Variants in C5orf63 observed in about 807,000 individuals in gnomAD.
C5orf63 encodes the protein chromosome 5 open reading frame 63.
A neutral mutation model predicts 13.3 loss-of-function variants in C5orf63; 18 were observed. The ratio of observed to expected loss-of-function variants is 1.36; its 90% confidence interval spans 0.94 to 2.01. The LOEUF (loss-of-function observed/expected upper bound fraction) is 2.01, where lower values mean the gene tolerates loss of function less well. Among genes scored for constraint, C5orf63 ranks in the 30% most tolerant of loss-of-function variants. The pLI is 0.00. For synonymous variants in C5orf63, 38 were observed against 44.7 expected, an observed-to-expected ratio of 0.85 and a Z score of 0.60; for missense variants, 118 against 127.7, an observed-to-expected ratio of 0.92 and a Z score of 0.36.
In C5orf63 at chr5:127,054,364, C is replaced by T. The variant is rs141381359; in HGVS notation, c.115-1695G>A. The stretch of plus-strand genomic sequence containing the variant: ...TGCAGTCCCACCAACAGCATAAAAG[C>T]GTTCCTGTTTCTCCACATCCTCTCC... On this transcript the variant is annotated intron_variant, in intron 3 of 4. Coordinates refer to ENST00000296662, the MANE Select transcript of C5orf63 (RefSeq NM_001164478.2). Among the ~76,000 whole-genome samples, 218 of 152,268 alleles carry T rather than the reference C, an allele frequency of 1.4e-3. No homozygotes were observed. The East Asian group carries it at 0.03, about 21-fold the overall frequency.
At chr5:127,060,840 C>G (rs1442350772) in intron 2 of C5orf63, among the ~76,000 whole-genome samples, 4 of 152,180 alleles carry the variant, frequency 2.6e-5, no homozygotes, top group Non-Finnish European at 5.9e-5. Context: ...CACTCCCCAC[C>G]CTCACATCTT....
At chr5:127,063,766 AAAG>A (rs1297953498) in intron 2 of C5orf63, among the ~76,000 whole-genome samples, 1 of 152,194 alleles carries the variant, frequency 6.6e-6, no homozygotes, top group Admixed American at 6.5e-5. Flanking sequence ...TATATTCCCT[AAAG>A]AAGACTCAGG....
downstream of C5orf63, among the ~76,000 whole-genome samples, chr5:127,048,246 GACACACACACACACAC>G (rs71822352): frequency 8.2e-5 from 11 of 134,686 alleles, no homozygotes; most frequent in South Asian, 5.1e-4. Context: ...GGTCCATGAG[GACACACACACACACAC>G]ACACACACAC....
downstream of C5orf63, chr5:127,044,660 T>A (rs1753482217): frequency 6.6e-6 from 1 of 152,030 alleles, no homozygotes; most frequent in Non-Finnish European, 1.5e-5. Flanking sequence ...CTATAATGGG[T>A]TACTATGGTT....
At chr5:127,058,670 A>AGG (rs1245873949) in intron 3 of C5orf63, 1 of 505,966 alleles carries the variant, frequency 2.0e-6, no homozygotes, top group East Asian at 3.2e-5. Flanking sequence ...TGTAGGGGCC[A>AGG]GATGACCATT....
intron 2 of C5orf63, among the ~76,000 whole-genome samples, chr5:127,064,238 T>C (rs1053042771): frequency 6.6e-6 from 1 of 152,164 alleles, no homozygotes; most frequent in African/African-American, 2.4e-5. Flanking sequence ...GATATGTCAA[T>C]TCCAAGGGGC....
chr5:127,066,719 C>T (rs893666327), intron 2 of C5orf63, among the ~76,000 whole-genome samples: 4 of 151,704 alleles, frequency 2.6e-5, no homozygotes, highest in Non-Finnish European at 5.9e-5. Flanking sequence ...GAGTCTCCAT[C>T]GGTTTAAGGA....
At chr5:127,052,071 G>T in intron 4 of C5orf63, 124 bp from the exon 5 acceptor site, 1 of 757,062 alleles carries the variant, frequency 1.3e-6, no homozygotes, top group Non-Finnish European at 1.9e-6. Flanking sequence ...GTTTGTTTTA[G>T]GTCCACAGTG....
intron 2 of C5orf63, 67 bp from the exon 3 acceptor site, chr5:127,059,069 T>A: frequency 1.1e-6 from 1 of 924,902 alleles, no homozygotes; most frequent in Non-Finnish European, 1.7e-6. Context: ...ATATGGACAG[T>A]AATTTCCAAG....
intron 2 of C5orf63, among the ~76,000 whole-genome samples, chr5:127,064,274 G>T (rs913171155): frequency 6.6e-6 from 1 of 152,164 alleles, no homozygotes; most frequent in Admixed American, 6.5e-5. Context: ...TGAAGCTTTG[G>T]AACAGAAACA....
chr5:127,071,727 C>T (rs1473187999), intron 1 of C5orf63, 42 bp from the exon 2 acceptor site: 1 of 152,174 alleles, frequency 6.6e-6, no homozygotes, highest in Admixed American at 6.5e-5. Context: ...AAATAAGGAA[C>T]ATAAAAACAC....
chr5:127,051,581 C>T lies in C5orf63; in HGVS notation c.*190G>A, dbSNP rs1161489499. 8.0e-7 allele frequency: 1 copy of T among 1,249,210 alleles called. No individual in the cohort carries two copies. The highest frequency in any genetic ancestry group is 4.0e-5 in the Admixed American group (1 of 25,152). 77.4% of individuals were successfully genotyped at this position (1,249,210 alleles called of 1,614,324 possible). ...ATGCTCTTCTTATTTTATAAAATGC[C>T]ATTAAGCAAACAGTTCCCACACTGA... is the stretch of plus-strand genomic sequence containing the variant. On this transcript the variant is annotated 3_prime_UTR_variant, in exon 5 of 5. Transcript: ENST00000296662.
At chr5:127,055,346 A>G (rs1311257721) in intron 3 of C5orf63, among the ~76,000 whole-genome samples, 1 of 152,180 alleles carries the variant, frequency 6.6e-6, no homozygotes, top group East Asian at 1.9e-4. Flanking sequence ...ACACTACCTG[A>G]CTTCAAACTA....
At chr5:127,047,433 G>A, downstream of C5orf63, 1 of 409,926 alleles carries the variant, frequency 2.4e-6, no homozygotes, top group East Asian at 4.1e-5. Flanking sequence ...CATGTTTGTA[G>A]GTATCTACCT....
chr5:127,059,001 T>G lies in C5orf63; in HGVS notation c.-6A>C. 6.6e-7 allele frequency: 1 copy of G among 1,520,006 alleles called. No homozygotes were observed. The highest frequency in any genetic ancestry group is 1.4e-5 in the African/African-American group (1 of 72,808). The allele number at this position is 1,520,006 out of a possible 1,614,324, so 94.2% of individuals were successfully genotyped here. On this transcript the variant is annotated splice_region_variant and 5_prime_UTR_variant, in exon 3 of 5. Transcript: ENST00000296662. ...TTTCCTTGAAACCAGAGCATCTTAA[T>G]TCTGCCAAAAGAAAAATAAAGCAGT...
At chr5:127,061,147 A>G (rs910390522) in intron 2 of C5orf63, among the ~76,000 whole-genome samples, 1 of 152,106 alleles carries the variant, frequency 6.6e-6, no homozygotes, top group Admixed American at 6.6e-5. Context: ...GGTACCCACA[A>G]AATTTTGGGT....
chr5:127,048,090 C>T (rs1753563488), downstream of C5orf63, among the ~76,000 whole-genome samples: 1 of 151,918 alleles, frequency 6.6e-6, no homozygotes, highest in South Asian at 2.1e-4. Flanking sequence ...GCCTGCAGTT[C>T]CCTGATTTGG....
intron 2 of C5orf63, among the ~76,000 whole-genome samples, chr5:127,063,784 C>T (rs901760211): frequency 6.6e-6 from 1 of 152,188 alleles, no homozygotes; most frequent in East Asian, 1.9e-4. Context: ...CTCAGGGCTT[C>T]TGTTCAGTCA....
chr5:127,053,317 C>T (rs767059710), intron 3 of C5orf63, among the ~76,000 whole-genome samples: 10 of 152,132 alleles, frequency 6.6e-5, no homozygotes, highest in Non-Finnish European at 1.3e-4. Flanking sequence ...AACCATCTAG[C>T]AGAGAAGTCT....
Sources: allele counts gnomAD v4.1 joint callset (sites outside exome capture counted in the v4.1 genomes callset), GRCh38; gene constraint gnomAD v4.1.1; transcripts MANE v1.5; gene names NCBI Gene and HGNC (gene_info 2026-07-23, HGNC 2026-07-21).